The following LDLRAD3 variants were observed in gnomAD, a reference collection of about 807,000 sequenced individuals.
LDLRAD3 encodes low-density lipoprotein receptor class A domain-containing protein 3.
A neutral mutation model predicts 29.4 loss-of-function variants in LDLRAD3; 20 were observed. That is an observed-to-expected ratio of 0.68 (90% CI 0.48 to 0.99). The LOEUF is 0.99. Ranked by LOEUF, LDLRAD3 falls within the 50% of genes least tolerant of loss-of-function variation. The probability of loss-of-function intolerance (pLI) is 0.00; values close to 1 mark genes in which losing one functional copy is unlikely to be tolerated. For synonymous variants in LDLRAD3, 157 were observed against 192.7 expected (o/e 0.81, Z 1.53); for missense variants, 420 against 454.3 (o/e 0.92, Z 0.69).
At chr11:36,087,881 A>AT (rs1853219141) in intron 3 of LDLRAD3, among the ~76,000 whole-genome samples, 1 of 151,818 alleles carries the variant, frequency 6.6e-6, no homozygotes, top group Non-Finnish European at 1.5e-5. Flanking sequence ...ACCAGGCTAA[A>AT]TTTTTTGTCG....
chr11:36,208,670 C>G (rs957193375), intron 4 of LDLRAD3, among the ~76,000 whole-genome samples: 1 of 152,134 alleles, frequency 6.6e-6, no homozygotes, highest in Non-Finnish European at 1.5e-5. Flanking sequence ...ACAAGTCCAT[C>G]TGAAGTAAAT....
intron 2 of LDLRAD3, among the ~76,000 whole-genome samples, chr11:36,038,049 G>A (rs576524989): frequency 1.4e-4 from 21 of 152,098 alleles, no homozygotes; most frequent in South Asian, 1.0e-3. Context: ...GGAGTGCGCC[G>A]TCACGCCTGG....
intron 1 of LDLRAD3, among the ~76,000 whole-genome samples, chr11:35,994,907 A>T (rs990883263): frequency 6.6e-6 from 1 of 152,204 alleles, no homozygotes; most frequent in Non-Finnish European, 1.5e-5. Context: ...GCATCAATTC[A>T]GTCACATCTT....
intron 3 of LDLRAD3, among the ~76,000 whole-genome samples, chr11:36,093,792 C>CA (rs1339191470): frequency 6.6e-6 from 1 of 152,138 alleles, no homozygotes; most frequent in Non-Finnish European, 1.5e-5. Flanking sequence ...AGTGATAGAA[C>CA]AGCTCTCAGT....
intron 1 of LDLRAD3, among the ~76,000 whole-genome samples, chr11:36,004,435 C>T (rs554487930): frequency 9.5e-4 from 144 of 152,284 alleles, no homozygotes; most frequent in Admixed American, 1.7e-3. Flanking sequence ...CAGGGCACAC[C>T]GATGCAAAAG....
chr11:35,955,066 G>A (rs1851184600), intron 1 of LDLRAD3, among the ~76,000 whole-genome samples: 4 of 152,082 alleles, frequency 2.6e-5, no homozygotes, highest in South Asian at 2.1e-4. Context: ...CCAACATGGC[G>A]AAACATCATC....
chr11:35,990,594 T>C (rs1421170688), intron 1 of LDLRAD3, among the ~76,000 whole-genome samples: 1 of 149,890 alleles, frequency 6.7e-6, no homozygotes, highest in African/African-American at 2.5e-5. Context: ...TTTTTTTTTT[T>C]TAGTAGAGAT....
chr11:36,207,509 G>A (rs186816782), intron 4 of LDLRAD3, among the ~76,000 whole-genome samples: 1 of 152,216 alleles, frequency 6.6e-6, no homozygotes, highest in East Asian at 1.9e-4. Flanking sequence ...AAATTAGCCG[G>A]CATGGTGGCA....
chr11:36,063,266 C>A (rs1852734736), intron 2 of LDLRAD3, among the ~76,000 whole-genome samples: 1 of 152,182 alleles, frequency 6.6e-6, no homozygotes, highest in African/African-American at 2.4e-5. Context: ...TGTCACCAGT[C>A]TTCTTAGATC....
At chr11:36,055,990 CTTTTTTT>C (rs67731567) in intron 2 of LDLRAD3, among the ~76,000 whole-genome samples, 2 of 95,354 alleles carry the variant, frequency 2.1e-5, no homozygotes, top group Non-Finnish European at 3.8e-5. Flanking sequence ...ACAGCTTGCC[CTTTTTTT>C]TTTTTTTTTT....
chr11:36,145,204 TGGG>T (rs1162996576), intron 4 of LDLRAD3, among the ~76,000 whole-genome samples: 1 of 40,172 alleles, frequency 2.5e-5, no homozygotes, highest in Non-Finnish European at 5.3e-5. Flanking sequence ...GGGAGGGAGG[TGGG>T]GGGGTCAGCC....
At chr11:36,027,964 G>A (rs1268578186) in intron 1 of LDLRAD3, among the ~76,000 whole-genome samples, 1 of 152,234 alleles carries the variant, frequency 6.6e-6, no homozygotes, top group Non-Finnish European at 1.5e-5. Context: ...AGAAGGCATA[G>A]GAGGATGGCT....
intron 4 of LDLRAD3, among the ~76,000 whole-genome samples, chr11:36,166,596 T>C (rs895600215): frequency 6.6e-5 from 10 of 152,220 alleles, no homozygotes; most frequent in Non-Finnish European, 1.3e-4. Flanking sequence ...ATTTCAAATT[T>C]CCCTGTTATT....
chr11:35,964,298 CTG>C (rs1275949654), intron 1 of LDLRAD3, among the ~76,000 whole-genome samples: 4 of 152,178 alleles, frequency 2.6e-5, no homozygotes, highest in African/African-American at 9.7e-5. Flanking sequence ...GAGGTCAAGA[CTG>C]TCATGATCGT....
chr11:36,222,330 C>T (rs1485675727), intron 4 of LDLRAD3, among the ~76,000 whole-genome samples: 1 of 152,154 alleles, frequency 6.6e-6, no homozygotes, highest in African/African-American at 2.4e-5. Flanking sequence ...GCCATCCCCC[C>T]TACTTTCACC....
At chr11:36,135,833 C>A (rs1368302424) in intron 4 of LDLRAD3, among the ~76,000 whole-genome samples, 2 of 152,056 alleles carry the variant, frequency 1.3e-5, no homozygotes, top group African/African-American at 4.8e-5. Context: ...TCGTTTGAAC[C>A]CGGGAGGCAG....
chr11:36,141,742 C>T (rs1199974518), intron 4 of LDLRAD3, among the ~76,000 whole-genome samples: 2 of 152,106 alleles, frequency 1.3e-5, no homozygotes, highest in African/African-American at 2.4e-5. Flanking sequence ...CAGGTGCCCC[C>T]GGCCCGAGCA....
chr11:36,013,458 GC>G (rs1851980408), intron 1 of LDLRAD3, among the ~76,000 whole-genome samples: 1 of 90,754 alleles, frequency 1.1e-5, no homozygotes, highest in African/African-American at 4.3e-5. Flanking sequence ...CCCTCCCCTT[GC>G]CCCCCACCCC....
intron 1 of LDLRAD3, among the ~76,000 whole-genome samples, chr11:36,028,292 A>G (rs950362375): frequency 6.6e-6 from 1 of 152,228 alleles, no homozygotes; most frequent in East Asian, 1.9e-4. Context: ...AGAGTCTTCC[A>G]GGCACCTGGC....
Sources: gnomAD v4.1 joint callset for allele counts (sites outside exome capture counted in the v4.1 genomes callset) on GRCh38, gnomAD v4.1.1 for gene constraint, MANE v1.5 for transcripts, NCBI Gene and HGNC (gene_info 2026-07-23, HGNC 2026-07-21) for gene names.